Variants in DNAH6 observed in about 807,000 individuals in gnomAD.
DNAH6 encodes dynein axonemal heavy chain 6.
Under a neutral mutation model 491.4 loss-of-function variants are expected in DNAH6, and 340 were observed. The ratio of observed to expected loss-of-function variants is 0.69; its 90% CI spans 0.63 to 0.76. The LOEUF (loss-of-function observed/expected upper bound fraction) is 0.76, where lower values mean the gene tolerates loss of function less well. Among genes scored for constraint, DNAH6 ranks in the 30% least tolerant of loss-of-function variants. DNAH6 has a pLI of 0.00. For missense variants in DNAH6, 4,443 were observed against 4,972.2 expected, an observed-to-expected ratio of 0.89 and a Z score of 3.20; for synonymous variants, 1,603 against 1,686.1, an observed-to-expected ratio of 0.95 and a Z score of 1.21.
intron 68 of DNAH6, among the ~76,000 whole-genome samples, chr2:84,795,726 A>G (rs1371452833): frequency 2.6e-5 from 4 of 152,218 alleles, no homozygotes; most frequent in African/African-American, 7.2e-5. Flanking sequence ...TGGGATGACA[A>G]TGGGGCACAT....
At chr2:84,659,243 G>T in intron 37 of DNAH6, 74 bp downstream of exon 37, 1 of 884,506 alleles carries the variant, frequency 1.1e-6, no homozygotes, top group Non-Finnish European at 1.6e-6. Flanking sequence ...AACTTTAAAA[G>T]CTTTAGTTCT....
intron 48 of DNAH6, among the ~76,000 whole-genome samples, chr2:84,700,852 G>A (rs1184486031): frequency 6.6e-6 from 1 of 152,136 alleles, no homozygotes; most frequent in African/African-American, 2.4e-5. Flanking sequence ...CAACAAATAT[G>A]TATTGAGCAA....
intron 63 of DNAH6, among the ~76,000 whole-genome samples, chr2:84,759,952 T>C (rs932692557): frequency 2.6e-5 from 4 of 152,304 alleles, no homozygotes; most frequent in Admixed American, 2.6e-4. Context: ...AGCATGGCAC[T>C]GTTATAAAAA....
chr2:84,513,933 GC>G (rs1396188420), upstream of DNAH6, among the ~76,000 whole-genome samples: 13 of 152,134 alleles, frequency 8.5e-5, no homozygotes, highest in Non-Finnish European at 1.3e-4. Context: ...TTTTGTCACT[GC>G]CAGTTTTTTC....
chr2:84,505,055 C>T, the DNAH6 span, among the ~76,000 whole-genome samples: 2 of 152,286 alleles, frequency 1.3e-5, no homozygotes, highest in South Asian at 4.1e-4. Context: ...CAGTTTTCAG[C>T]ATGAGTCTTG....
At chr2:84,779,876 T>C (rs540525061) in intron 64 of DNAH6, among the ~76,000 whole-genome samples, 1 of 152,328 alleles carries the variant, frequency 6.6e-6, no homozygotes, top group African/African-American at 2.4e-5. Context: ...AAGCTTTTAT[T>C]TCTCCTTTGC....
At position 84,653,794 on chromosome 2, in the gene DNAH6, G is replaced by A. The variant is rs1690685381; in HGVS notation, c.5554G>A (p.Val1852Met). 1 of 1,551,464 alleles carries A rather than the reference G, an allele frequency of 6.4e-7. No individual in the cohort carries two copies. The highest frequency in any genetic ancestry group is 1.4e-5 in the African/African-American group (1 of 73,138). The change falls in exon 34 of 77, where the codon GTG becomes ATG. Residue 1852 changes from valine (V) to methionine (M), a missense_variant. By Grantham distance (21) the Val-to-Met change is conservative. Around this residue, in one of 3 missense-constraint regions of DNAH6, gnomAD observed 2,977 missense variants for 3,296.6 expected, o/e 0.90. Transcript: ENST00000389394. ...DALWIENMNT[V>M]LDDNKMLCLA... is the part of the protein sequence containing the mutation. Reference sequence around the variant, plus strand: ...TCTTTGGATTGAAAACATGAATACAGTGCTGGATGATAACAAGATGCTTTG... The same window carrying A: ...TCTTTGGATTGAAAACATGAATACAATGCTGGATGATAACAAGATGCTTTG...
intron 54 of DNAH6, among the ~76,000 whole-genome samples, chr2:84,708,421 A>G (rs1696681951): frequency 1.4e-5 from 2 of 142,912 alleles, no homozygotes; most frequent in African/African-American, 5.1e-5. Context: ...CTCCAGCCTG[A>G]GCAGCAAGAG....
chr2:84,498,515 AT>A, the DNAH6 span, among the ~76,000 whole-genome samples: 51 of 141,154 alleles, frequency 3.6e-4, 1 homozygote, highest in East Asian at 6.9e-3. Context: ...AAAAAAAAAA[AT>A]TTGAGAAGTT....
intron 75 of DNAH6, among the ~76,000 whole-genome samples, chr2:84,814,957 A>G (rs533227246): frequency 2.6e-4 from 40 of 152,382 alleles, no homozygotes; most frequent in South Asian, 2.3e-3. Flanking sequence ...AACACAGGGT[A>G]TGTGTTTAAA....
chr2:84,598,954 T>C (rs954858803), intron 18 of DNAH6, among the ~76,000 whole-genome samples: 26 of 144,854 alleles, frequency 1.8e-4, no homozygotes, highest in African/African-American at 6.6e-4. Context: ...CGCTTGAACC[T>C]GGGAGGTGGA....
intron 11 of DNAH6, among the ~76,000 whole-genome samples, chr2:84,570,764 T>G (rs1681728557): frequency 6.6e-6 from 1 of 152,200 alleles, no homozygotes; most frequent in South Asian, 2.1e-4. Context: ...AGCCAGTAGC[T>G]GCAACCCACT....
chr2:84,525,874 A>T, intron 3 of DNAH6, 136 bp downstream of exon 3: 1 of 680,172 alleles, frequency 1.5e-6, no homozygotes, highest in Non-Finnish European at 2.4e-6. Flanking sequence ...GGGAAATATA[A>T]CATTTCTTCA....
At chr2:84,462,319 T>C in the DNAH6 span, among the ~76,000 whole-genome samples, 137 of 152,356 alleles carry the variant, frequency 9.0e-4, no homozygotes, top group Non-Finnish European at 4.9e-4. Flanking sequence ...TTGTCTCTTA[T>C]CTACTTCTAA....
chr2:84,797,579 A>C lies in DNAH6; in HGVS notation c.11402A>C (p.Lys3801Thr). The change falls in exon 70 of 77, where the codon AAG becomes ACG. Residue 3801 changes from lysine (K) to threonine (T), a missense_variant. Lys to Thr is a moderately conservative substitution (Grantham distance 78). This residue lies in a region of DNAH6 where 1,463 missense variants were observed against 1,656.6 expected (regional missense o/e 0.88). Coordinates refer to ENST00000389394, the MANE Select transcript of DNAH6 (RefSeq NM_001370.2). ...ATGGCTGACAGCCTACAAGAGTTTA[A>C]GGACTACATTGAAAATCTGCCTTTG... ...APMADSLQEF[K>T]DYIENLPLID... 1.3e-6 allele frequency: 2 copies of C among 1,551,814 alleles called. No individual in the cohort carries two copies. The highest frequency in any genetic ancestry group is 1.7e-6 in the Non-Finnish European group (2 of 1,146,874).
intron 33 of DNAH6, among the ~76,000 whole-genome samples, chr2:84,647,612 G>C (rs1056508375): frequency 6.6e-6 from 1 of 152,120 alleles, no homozygotes; most frequent in African/African-American, 2.4e-5. Flanking sequence ...GAAACAACAA[G>C]GCATGGATGA....
chr2:84,560,333 C>T (rs1187132412), intron 11 of DNAH6, among the ~76,000 whole-genome samples: 2 of 150,922 alleles, frequency 1.3e-5, no homozygotes, highest in Admixed American at 1.3e-4. Flanking sequence ...CGAAGTAAGG[C>T]AATAATGGAG....
chr2:84,623,868 CTGAAGAG>C (rs1325261062), intron 26 of DNAH6, among the ~76,000 whole-genome samples: 1 of 152,204 alleles, frequency 6.6e-6, no homozygotes, highest in African/African-American at 2.4e-5. Flanking sequence ...ACCCCTAAAA[CTGAAGAG>C]TATCACCTTT....
intron 62 of DNAH6, among the ~76,000 whole-genome samples, chr2:84,740,837 G>A (rs1192388319): frequency 6.6e-6 from 1 of 152,166 alleles, no homozygotes; most frequent in Non-Finnish European, 1.5e-5. Context: ...TGTGATGGGA[G>A]AGAGCGTAAT....
Sources: gnomAD v4.1 joint callset for allele counts (sites outside exome capture counted in the v4.1 genomes callset) on GRCh38, gnomAD v4.1.1 for gene constraint, gnomAD v4.1.1 regional missense constraint, MANE v1.5 for transcripts, NCBI Gene and HGNC (gene_info 2026-07-23, HGNC 2026-07-21) for gene names.